The following LRRC4C variants were observed in gnomAD, a reference collection of about 807,000 sequenced individuals.
The protein encoded by LRRC4C is leucine-rich repeat-containing protein 4C.
LRRC4C carries 5 observed loss-of-function variants against 33.6 expected under a neutral mutation model. The observed-to-expected ratio is 0.15, with a 90% CI of 0.08 to 0.31. LRRC4C has a LOEUF of 0.31. Among genes scored for constraint, LRRC4C ranks in the 10% least tolerant of loss-of-function variants. The pLI is 1.00. For synonymous variants in LRRC4C, 329 were observed against 302.0 expected (o/e 1.09, Z -0.93); for missense variants, 560 against 796.7 (o/e 0.70, Z 3.58).
chr11:40,513,579 T>A (rs1320120592), intron 3 of LRRC4C, among the ~76,000 whole-genome samples: 1 of 152,110 alleles, frequency 6.6e-6, no homozygotes, highest in East Asian at 1.9e-4. Context: ...GGGAAGCCAC[T>A]GAAAGCTTTC....
At chr11:40,553,180 G>T (rs1957193810) in intron 3 of LRRC4C, among the ~76,000 whole-genome samples, 1 of 152,086 alleles carries the variant, frequency 6.6e-6, no homozygotes, top group South Asian at 2.1e-4. Context: ...GCTGAGGCAG[G>T]AGAATTGCTT....
chr11:41,324,850 C>T (rs139679459), intron 1 of LRRC4C, among the ~76,000 whole-genome samples: 1 of 152,132 alleles, frequency 6.6e-6, no homozygotes, highest in African/African-American at 2.4e-5. Flanking sequence ...TTGTGCATTT[C>T]TTTTCTTGGA....
intron 1 of LRRC4C, among the ~76,000 whole-genome samples, chr11:41,135,961 T>C (rs913092193): frequency 3.3e-5 from 5 of 149,680 alleles, no homozygotes; most frequent in East Asian, 4.0e-4. Context: ...GTAACCCTTA[T>C]TGGACATCTA....
At chr11:40,306,924 C>T (rs1480071969) in intron 4 of LRRC4C, among the ~76,000 whole-genome samples, 2 of 136,670 alleles carry the variant, frequency 1.5e-5, no homozygotes, top group Admixed American at 7.4e-5. Flanking sequence ...AATAGTACAA[C>T]CTCACAAGGT....
At chr11:40,664,544 C>A (rs1444908815) in intron 2 of LRRC4C, among the ~76,000 whole-genome samples, 3 of 149,894 alleles carry the variant, frequency 2.0e-5, no homozygotes, top group African/African-American at 2.5e-5. Context: ...GACTCTGTCT[C>A]AAAAAAAAAT....
chr11:41,052,426 C>A lies in LRRC4C; in HGVS notation c.-495-118703G>T, dbSNP rs935129114. 2.0e-5 allele frequency among the ~76,000 whole-genome samples: 3 copies of A among 151,600 alleles called. No individual in the cohort carries two copies. In the East Asian group the frequency reaches 5.8e-4, roughly 29 times the overall value. On this transcript the variant is annotated intron_variant, in intron 1 of 6. Coordinates refer to ENST00000528697, the MANE Select transcript of LRRC4C (RefSeq NM_001258419.2). ...AACTTGATGGCCAAAGACCTTACAG[C>A]CAAATCCAGTGCCCTAGTTTCTGCT...
intron 3 of LRRC4C, among the ~76,000 whole-genome samples, chr11:40,537,347 G>A (rs758541815): frequency 1.3e-5 from 2 of 152,104 alleles, no homozygotes; most frequent in Admixed American, 6.6e-5. Flanking sequence ...TATCCCCACC[G>A]TAAAGAAACG....
chr11:40,665,338 A>ATATATATATG (rs1943723501), intron 2 of LRRC4C, among the ~76,000 whole-genome samples: 1 of 15,086 alleles, frequency 6.6e-5, no homozygotes, highest in African/African-American at 1.6e-4. Flanking sequence ...ATATATATAT[A>ATATATATATG]TATATATATA....
At chr11:40,405,582 C>G (rs2137584610) in intron 3 of LRRC4C, among the ~76,000 whole-genome samples, 1 of 133,370 alleles carries the variant, frequency 7.5e-6, no homozygotes, top group Admixed American at 8.4e-5. Context: ...GCACTGCAGC[C>G]TGGGTGACAA....
intron 3 of LRRC4C, among the ~76,000 whole-genome samples, chr11:40,552,344 G>T (rs913032950): frequency 6.6e-6 from 1 of 152,154 alleles, no homozygotes; most frequent in African/African-American, 2.4e-5. Context: ...CAACTGAGTG[G>T]GAATTCGAAC....
At chr11:40,394,215 T>A (rs1949448761) in intron 3 of LRRC4C, among the ~76,000 whole-genome samples, 1 of 152,136 alleles carries the variant, frequency 6.6e-6, no homozygotes, top group African/African-American at 2.4e-5. Flanking sequence ...GACCTTGGAA[T>A]ATAAAAGTGC....
chr11:40,560,422 A>G (rs1379014260), intron 3 of LRRC4C, among the ~76,000 whole-genome samples: 1 of 144,830 alleles, frequency 6.9e-6, no homozygotes, highest in African/African-American at 2.6e-5. Context: ...CTAACCAACC[A>G]ATGATGTGTG....
At chr11:41,402,229 G>C (rs2138116994) in intron 1 of LRRC4C, among the ~76,000 whole-genome samples, 1 of 152,084 alleles carries the variant, frequency 6.6e-6, no homozygotes, top group Non-Finnish European at 1.5e-5. Context: ...TAATTGATGA[G>C]CTGTCTTCAA....
chr11:40,461,970 G>T (rs1750427153), intron 3 of LRRC4C, among the ~76,000 whole-genome samples: 1 of 151,874 alleles, frequency 6.6e-6, no homozygotes, highest in African/African-American at 2.4e-5. Flanking sequence ...TGATGGAAAG[G>T]AGGGGAACAG....
At chr11:41,261,951 C>T (rs1948994424) in intron 1 of LRRC4C, among the ~76,000 whole-genome samples, 1 of 151,776 alleles carries the variant, frequency 6.6e-6, no homozygotes, top group South Asian at 2.1e-4. Flanking sequence ...TAGGGACATT[C>T]TAAAGGAGAG....
intron 5 of LRRC4C, among the ~76,000 whole-genome samples, chr11:40,179,201 C>G (rs1211946771): frequency 6.6e-6 from 1 of 151,940 alleles, no homozygotes; most frequent in Non-Finnish European, 1.5e-5. Context: ...GACAGGGTCT[C>G]TCTATGGTGC....
chr11:40,214,363 T>C (rs537438142), intron 5 of LRRC4C, among the ~76,000 whole-genome samples: 2 of 152,260 alleles, frequency 1.3e-5, no homozygotes, highest in South Asian at 4.1e-4. Flanking sequence ...CTGAGACATA[T>C]TCTGTTCCTA....
chr11:40,299,280 G>A (rs1179113061), intron 4 of LRRC4C, among the ~76,000 whole-genome samples: 1 of 152,158 alleles, frequency 6.6e-6, no homozygotes, highest in African/African-American at 2.4e-5. Context: ...GATAGCACCT[G>A]TTGATGCTGT....
intron 3 of LRRC4C, among the ~76,000 whole-genome samples, chr11:40,511,759 G>T (rs191547666): frequency 6.6e-6 from 1 of 152,230 alleles, no homozygotes; most frequent in East Asian, 1.9e-4. Flanking sequence ...ATTGCTTCTG[G>T]GCACTTCTGA....
Sources: gnomAD v4.1 joint callset for allele counts (sites outside exome capture counted in the v4.1 genomes callset) on GRCh38, gnomAD v4.1.1 for gene constraint, MANE v1.5 for transcripts, NCBI Gene and HGNC (gene_info 2026-07-23, HGNC 2026-07-21) for gene names.